Variants in CPED1 observed in about 807,000 individuals in gnomAD.
CPED1 encodes cadherin like and PC-esterase domain containing 1.
Under a neutral mutation model 128.2 loss-of-function variants are expected in CPED1, and 114 were observed. The ratio of observed to expected loss-of-function variants is 0.89; its 90% CI spans 0.76 to 1.04. The LOEUF is 1.04. Ranked by LOEUF, CPED1 falls within the 50% of genes least tolerant of loss-of-function variation. The probability of loss-of-function intolerance (pLI) is 0.00; values close to 1 mark genes in which losing one functional copy is unlikely to be tolerated. For missense variants in CPED1, 1,211 were observed against 1,207.1 expected (o/e 1.00, Z -0.05); for synonymous variants, 462 against 426.7 (o/e 1.08, Z -1.02).
intron 5 of CPED1, among the ~76,000 whole-genome samples, chr7:121,089,024 T>G (rs998048898): frequency 6.6e-6 from 1 of 152,174 alleles, no homozygotes; most frequent in Non-Finnish European, 1.5e-5. Context: ...ACTCAGGCCC[T>G]TGGGTCCTCA....
At chr7:121,281,753 GT>G (rs1792470005) in intron 22 of CPED1, among the ~76,000 whole-genome samples, 1 of 152,074 alleles carries the variant, frequency 6.6e-6, no homozygotes, top group Non-Finnish European at 1.5e-5. Flanking sequence ...TTGAAACACT[GT>G]AATTTTTACT....
At chr7:121,003,722 G>A (rs1045282303) in intron 2 of CPED1, among the ~76,000 whole-genome samples, 2 of 152,120 alleles carry the variant, frequency 1.3e-5, no homozygotes, top group Non-Finnish European at 2.9e-5. Flanking sequence ...GGCACCTCTC[G>A]AGGGAAAGCA....
At chr7:121,068,906 GCTCT>G (rs1301984181) in intron 5 of CPED1, among the ~76,000 whole-genome samples, 1 of 152,028 alleles carries the variant, frequency 6.6e-6, no homozygotes. Flanking sequence ...TCATGATTTG[GCTCT>G]CTGTTTGTCT....
chr7:121,182,442 C>CCCTT (rs1269641802), intron 16 of CPED1, among the ~76,000 whole-genome samples: 1 of 150,624 alleles, frequency 6.6e-6, no homozygotes, highest in Non-Finnish European at 1.5e-5. Context: ...TTCATTCCTT[C>CCCTT]CCTTCCTTCC....
At chr7:121,117,861 A>G (rs1297866104) in intron 7 of CPED1, among the ~76,000 whole-genome samples, 5 of 152,148 alleles carry the variant, frequency 3.3e-5, no homozygotes, top group Admixed American at 2.6e-4. Context: ...TTCAGAAGAA[A>G]GACCAGCTTT....
Position 121,271,359 on chromosome 7 carries a change from G to A in CPED1, c.2797G>A (p.Asp933Asn), listed in dbSNP as rs769884066. 5 of 1,612,626 alleles carry A rather than the reference G, an allele frequency of 3.1e-6. No individual in the cohort carries two copies. The South Asian group carries it at 5.5e-5, about 18-fold the overall frequency. The change falls in exon 22 of 23, where the codon GAC (aspartate) becomes AAC (asparagine). Residue 933 changes from aspartate (D) to asparagine (N), a missense_variant. Transcript: ENST00000310396. ...TAKKHGYEVV[D>N]TFTITMGRYK... Reference sequence around the variant, plus strand: ...AAAAAAACATGGCTATGAAGTAGTTGACACATTCACTATAACAATGGGGCG... The same window carrying A: ...AAAAAAACATGGCTATGAAGTAGTTAACACATTCACTATAACAATGGGGCG...
intron 7 of CPED1, among the ~76,000 whole-genome samples, chr7:121,102,081 A>C (rs988365165): frequency 1.3e-5 from 2 of 152,110 alleles, no homozygotes; most frequent in African/African-American, 4.8e-5. Context: ...TTCACTTAAA[A>C]ACTATGTATA....
At chr7:121,114,450 A>T (rs1374941627) in intron 7 of CPED1, among the ~76,000 whole-genome samples, 2 of 152,238 alleles carry the variant, frequency 1.3e-5, no homozygotes, top group African/African-American at 2.4e-5. Context: ...TGTAAGTGCA[A>T]AAAGAGACAG....
At chr7:121,182,734 G>C (rs1205273482) in intron 16 of CPED1, among the ~76,000 whole-genome samples, 1 of 151,904 alleles carries the variant, frequency 6.6e-6, no homozygotes, top group Non-Finnish European at 1.5e-5. Flanking sequence ...CTAGTCCTCC[G>C]CTTGCTATTG....
intron 6 of CPED1, 87 bp from the exon 7 acceptor site, chr7:121,099,839 G>C: frequency 7.3e-7 from 1 of 1,374,150 alleles, no homozygotes; most frequent in Non-Finnish European, 1.0e-6. Context: ...AAGGATAGAA[G>C]CAGTTTACAA....
In CPED1 at chr7:121,007,231, A is replaced by ATTTT. The variant is rs398006038; in HGVS notation, c.250-8419_250-8416dup. On this transcript the variant is annotated intron_variant, in intron 2 of 22. Transcript: ENST00000310396. ...AGCGTTGCGAAACTGTTCAGGTTGCATTTTTTTTTTTTTTTTTTGTCTTGC... is the reference window on the plus strand; with the variant it reads ...AGCGTTGCGAAACTGTTCAGGTTGCATTTTTTTTTTTTTTTTTTTTTTGTCTTGC... Among the ~76,000 whole-genome samples, 1,065 of 129,796 alleles carry ATTTT rather than the reference A, an allele frequency of 8.2e-3. 32 individuals carry two copies. The highest frequency in any genetic ancestry group is 0.028 in the African/African-American group (952 of 34,244). 85.2% of individuals were successfully genotyped at this position (129,796 alleles called of 152,430 possible). A position where few individuals can be genotyped will look rare whatever the true frequency, so the allele number is the denominator to read the frequency against.
At chr7:121,175,552 A>G (rs1249385262) in intron 16 of CPED1, among the ~76,000 whole-genome samples, 2 of 152,102 alleles carry the variant, frequency 1.3e-5, no homozygotes, top group Non-Finnish European at 2.9e-5. Flanking sequence ...TTGGCTTTCA[A>G]ATGTAGGTAG....
At chr7:121,213,725 C>CT (rs1797698127) in intron 16 of CPED1, among the ~76,000 whole-genome samples, 1 of 151,982 alleles carries the variant, frequency 6.6e-6, no homozygotes, top group Admixed American at 6.6e-5. Flanking sequence ...CAAAATATGA[C>CT]TATCAAATTG....
intron 11 of CPED1, among the ~76,000 whole-genome samples, chr7:121,128,741 GAC>G (rs1795573721): frequency 6.6e-6 from 1 of 152,120 alleles, no homozygotes; most frequent in African/African-American, 2.4e-5. Flanking sequence ...GCCAGAATTT[GAC>G]AGTTTTCAAG....
chr7:121,203,231 C>A (rs1037356303), intron 16 of CPED1, among the ~76,000 whole-genome samples: 2 of 152,074 alleles, frequency 1.3e-5, no homozygotes, highest in East Asian at 1.9e-4. Flanking sequence ...CAGATCCCTT[C>A]TCTAAGACGG....
intron 7 of CPED1, among the ~76,000 whole-genome samples, chr7:121,114,509 G>T (rs1795189215): frequency 6.6e-6 from 1 of 152,172 alleles, no homozygotes; most frequent in Non-Finnish European, 1.5e-5. Flanking sequence ...CATCAATATA[G>T]GACAATTGAG....
intron 2 of CPED1, among the ~76,000 whole-genome samples, chr7:120,991,823 G>A (rs1300366783): frequency 6.6e-6 from 1 of 152,172 alleles, no homozygotes; most frequent in East Asian, 1.9e-4. Context: ...TATTTTAACT[G>A]TAAGCAAGAT....
intron 2 of CPED1, among the ~76,000 whole-genome samples, chr7:120,999,288 A>T (rs1469404831): frequency 6.6e-6 from 1 of 152,160 alleles, no homozygotes; most frequent in Non-Finnish European, 1.5e-5. Context: ...CCACTTCTAC[A>T]TTAAAGTTGA....
intron 18 of CPED1, among the ~76,000 whole-genome samples, chr7:121,264,748 AAGAAAGAAAAAGAC>A (rs1235483552): frequency 1.3e-5 from 2 of 152,134 alleles, no homozygotes; most frequent in African/African-American, 2.4e-5. Flanking sequence ...GAAATCTCCA[AAGAAAGAAAAAGAC>A]CGAAGAATGA....
Sources: gnomAD v4.1 joint callset for allele counts (sites outside exome capture counted in the v4.1 genomes callset) on GRCh38, gnomAD v4.1.1 for gene constraint, MANE v1.5 for transcripts, NCBI Gene and HGNC (gene_info 2026-07-23, HGNC 2026-07-21) for gene names.